OMA1: variants seen among roughly 807,000 people sequenced by gnomAD.
OMA1 encodes the protein OMA1 zinc metallopeptidase.
A neutral mutation model predicts 30.9 loss-of-function variants in OMA1; 38 were observed. The ratio of observed to expected loss-of-function variants is 1.23; its 90% CI spans 0.95 to 1.61. The LOEUF is 1.61. Ranked by LOEUF, OMA1 falls within the 40% of genes most tolerant of loss-of-function variation. The probability of loss-of-function intolerance (pLI) is 0.00; values close to 1 mark genes in which losing one functional copy is unlikely to be tolerated. For missense variants in OMA1, 461 were observed against 349.2 expected, an observed-to-expected ratio of 1.32 and a Z score of -2.55; for synonymous variants, 173 against 121.9, an observed-to-expected ratio of 1.42 and a Z score of -2.76.
intron 7 of OMA1, among the ~76,000 whole-genome samples, chr1:58,510,181 A>G (rs1428488665): frequency 1.3e-5 from 2 of 152,140 alleles, no homozygotes; most frequent in African/African-American, 4.8e-5. Context: ...ACACTACAAA[A>G]AAAAATTACG....
At chr1:58,484,903 G>A (rs1000863855) in intron 8 of OMA1, among the ~76,000 whole-genome samples, 3 of 152,090 alleles carry the variant, frequency 2.0e-5, no homozygotes, top group Admixed American at 6.5e-5. Flanking sequence ...GGGCTAGGGG[G>A]AGGGAGGAAT....
rs966946343 is a variant in OMA1 at position 58,512,884 on chromosome 1, A to G, written c.1216-6675T>C. ...TAAAATTATAAATTTAAGAGGGTAG[A>G]TCTCATGTTAAATGTACTTACTAAA... is the stretch of plus-strand genomic sequence containing the variant. On this transcript the variant is annotated intron_variant, in intron 7 of 8. Coordinates refer to ENST00000371226, the MANE Select transcript of OMA1 (RefSeq NM_145243.5). Among the ~76,000 whole-genome samples, 4 of 152,324 alleles carry G rather than the reference A, an allele frequency of 2.6e-5. No homozygotes were observed. The East Asian group carries it at 7.7e-4, about 29-fold the overall frequency.
chr1:58,530,275 T>G (rs556629521), intron 6 of OMA1, among the ~76,000 whole-genome samples: 4 of 152,104 alleles, frequency 2.6e-5, no homozygotes, highest in Admixed American at 1.3e-4. Context: ...AATTTGGGAG[T>G]CATTCAGTTA....
At chr1:58,545,066 C>A (rs17117747) in intron 1 of OMA1, among the ~76,000 whole-genome samples, 2,508 of 152,214 alleles carry the variant, frequency 0.016, 55 homozygotes, top group East Asian at 0.12. Flanking sequence ...TCCACAAACT[C>A]CTTCATATGG....
chr1:58,488,222 G>T (rs373277297), intron 8 of OMA1, among the ~76,000 whole-genome samples: 1 of 151,994 alleles, frequency 6.6e-6, no homozygotes, highest in South Asian at 2.1e-4. Context: ...TGCTTTACAT[G>T]TGCGGAATTT....
intron 1 of OMA1, chr1:58,541,622 A>AAAAAAAAAAAAAAAAAAAAAAC (rs1646619199): frequency 1.0e-5 from 1 of 97,092 alleles, no homozygotes; most frequent in African/African-American, 4.2e-5. Flanking sequence ...GTCAAAAAAA[A>AAAAAAAAAAAAAAAAAAAAAAC]AAAAAAAAAA....
At chr1:58,497,366 T>C (rs994655317) in intron 8 of OMA1, among the ~76,000 whole-genome samples, 1 of 152,170 alleles carries the variant, frequency 6.6e-6, no homozygotes, top group South Asian at 2.1e-4. Context: ...AAATCTGATG[T>C]AGACAGAATA....
At chr1:58,510,741 A>G (rs896261791) in intron 7 of OMA1, among the ~76,000 whole-genome samples, 5 of 152,152 alleles carry the variant, frequency 3.3e-5, no homozygotes. Context: ...CACACAAAAA[A>G]AAACCCTGCT....
At chr1:58,501,882 G>A (rs755175232) in intron 8 of OMA1, among the ~76,000 whole-genome samples, 3 of 152,084 alleles carry the variant, frequency 2.0e-5, no homozygotes, top group Middle Eastern at 3.2e-3. Context: ...AGGATTAGTA[G>A]CTTTATAAAA....
At chr1:58,512,971 A>T (rs966192911) in intron 7 of OMA1, among the ~76,000 whole-genome samples, 2 of 152,244 alleles carry the variant, frequency 1.3e-5, no homozygotes, top group Non-Finnish European at 1.5e-5. Context: ...TACTCAGTTT[A>T]TCACAAGTCT....
chr1:58,524,872 C>A lies in OMA1; in HGVS notation c.1215+2389G>T, dbSNP rs548490544. 5.9e-5 allele frequency among the ~76,000 whole-genome samples: 9 copies of A among 152,306 alleles called. No individual in the cohort carries two copies. The South Asian group carries it at 1.0e-3, about 18-fold the overall frequency. On this transcript the variant is annotated intron_variant, in intron 7 of 8. Coordinates refer to ENST00000371226, the MANE Select transcript of OMA1 (RefSeq NM_145243.5). Reference sequence around the variant, plus strand: ...CTGCAAGAGACCATTTACTAAGATACTCAATTTACTGGAGAGAAAGCTGCT... The same window carrying A: ...CTGCAAGAGACCATTTACTAAGATAATCAATTTACTGGAGAGAAAGCTGCT...
At position 58,527,246 on chromosome 1, in the gene OMA1, T is replaced by C. The variant is rs1266878439; in HGVS notation, c.1215+15A>G. ...GGGAAGGGCATTATGTATTCTCAAC[T>C]ACTAAACACTTTACCTTTGCAGCAA... On this transcript the variant is annotated intron_variant, in intron 7 of 8. Transcript: ENST00000371226. The C allele has an allele frequency of 1.1e-6, 1 of 871,852 alleles. No homozygotes were observed. The highest frequency in any genetic ancestry group is 1.7e-5 in the Admixed American group (1 of 59,168). The allele number at this position is 871,852 out of a possible 1,614,324, so 54.0% of individuals were successfully genotyped here. A position where few individuals can be genotyped will look rare whatever the true frequency, so the allele number is the denominator to read the frequency against.
At chr1:58,509,946 AT>A (rs1646048515) in intron 7 of OMA1, among the ~76,000 whole-genome samples, 1 of 152,154 alleles carries the variant, frequency 6.6e-6, no homozygotes, top group African/African-American at 2.4e-5. Flanking sequence ...TGAAAAAGAA[AT>A]AGGAAATATG....
chr1:58,491,822 T>G (rs1192788546), intron 8 of OMA1, among the ~76,000 whole-genome samples: 2 of 152,194 alleles, frequency 1.3e-5, no homozygotes, highest in Non-Finnish European at 2.9e-5. Context: ...AATGGGAGAC[T>G]TTAACACCCC....
intron 7 of OMA1, among the ~76,000 whole-genome samples, chr1:58,512,208 C>T (rs578154672): frequency 6.6e-6 from 1 of 152,098 alleles, no homozygotes; most frequent in South Asian, 2.1e-4. Context: ...GAAATATTAC[C>T]TTACACCTGT....
chr1:58,502,293 G>A (rs192606111), intron 8 of OMA1, among the ~76,000 whole-genome samples: 1 of 152,302 alleles, frequency 6.6e-6, no homozygotes, highest in East Asian at 1.9e-4. Context: ...GATTTCCTAT[G>A]AATCTGATCC....
At chr1:58,494,891 C>A (rs1400298451) in intron 8 of OMA1, among the ~76,000 whole-genome samples, 3 of 152,166 alleles carry the variant, frequency 2.0e-5, no homozygotes, top group African/African-American at 7.2e-5. Flanking sequence ...ACTAGAAATA[C>A]CATTTGACCC....
intron 8 of OMA1, among the ~76,000 whole-genome samples, chr1:58,489,966 G>A (rs1197481565): frequency 1.3e-5 from 2 of 152,062 alleles, no homozygotes; most frequent in Admixed American, 1.3e-4. Flanking sequence ...AAAGACCAAA[G>A]GTAGATAAAA....
At chr1:58,516,303 A>G (rs1646156732) in intron 7 of OMA1, among the ~76,000 whole-genome samples, 1 of 152,218 alleles carries the variant, frequency 6.6e-6, no homozygotes, top group Non-Finnish European at 1.5e-5. Context: ...ATTAAAACTG[A>G]TAGTTTAGTT....
Sources: gnomAD v4.1 joint callset for allele counts (sites outside exome capture counted in the v4.1 genomes callset) on GRCh38, gnomAD v4.1.1 for gene constraint, MANE v1.5 for transcripts, NCBI Gene and HGNC (gene_info 2026-07-23, HGNC 2026-07-21) for gene names.